TCAF1: variants seen among roughly 807,000 people sequenced by gnomAD.
The protein encoded by TCAF1 is TRPM8 channel associated factor 1.
In TCAF1, 4 loss-of-function variants were observed where a neutral mutation model predicts 27.3. The ratio of observed to expected loss-of-function variants is 0.15; its 90% CI spans 0.07 to 0.34. TCAF1 has a LOEUF of 0.34. TCAF1 is among the 10% of genes least tolerant of loss of function. The pLI, the probability that TCAF1 is intolerant of heterozygous loss-of-function variation, is 1.00. For synonymous variants in TCAF1, 105 were observed against 167.1 expected, an observed-to-expected ratio of 0.63 and a Z score of 2.87; for missense variants, 257 against 425.8, an observed-to-expected ratio of 0.60 and a Z score of 3.49.
intron 1 of TCAF1, among the ~76,000 whole-genome samples, chr7:143,879,351 G>C (rs955049974): frequency 1.3e-5 from 2 of 152,186 alleles, no homozygotes; most frequent in African/African-American, 4.8e-5. Context: ...GGAGAAAGTG[G>C]AGGAGGAGAA....
Position 143,882,910 on chromosome 7 carries a change from C to G in TCAF1, c.-14-6288G>C, listed in dbSNP as rs1813154479. The stretch of plus-strand genomic sequence containing the variant: ...GGAGGGGTTTCCACGGGAGTCCCCT[C>G]CTCCCCACTTCCTCCCAGGCTGGAG... On this transcript the variant is annotated intron_variant, in intron 1 of 8. Coordinates refer to ENST00000479870, the MANE Select transcript of TCAF1 (RefSeq NM_014719.3). 16 of 975,646 alleles carry G rather than the reference C, an allele frequency of 1.6e-5. No homozygotes were observed. The South Asian group carries it at 5.7e-4, about 35-fold the overall frequency. 60.4% of individuals were successfully genotyped at this position (975,646 alleles called of 1,614,324 possible).
At chr7:143,899,080 T>C (rs1394976675) in intron 1 of TCAF1, among the ~76,000 whole-genome samples, 1 of 152,226 alleles carries the variant, frequency 6.6e-6, no homozygotes, top group Non-Finnish European at 1.5e-5. Flanking sequence ...CCTTATACAT[T>C]ACTCAGTCTC....
chr7:143,859,981 T>C (rs1189771716), intron 6 of TCAF1, among the ~76,000 whole-genome samples: 1 of 43,504 alleles, frequency 2.3e-5, no homozygotes, highest in Non-Finnish European at 4.0e-5. Context: ...ATAATATATA[T>C]TATATAATAT....
chr7:143,896,372 T>G (rs933100020), intron 1 of TCAF1, among the ~76,000 whole-genome samples: 3 of 151,988 alleles, frequency 2.0e-5, no homozygotes, highest in African/African-American at 7.2e-5. Flanking sequence ...TATGAGAAAT[T>G]ATCAAATCCA....
chr7:143,896,630 C>T (rs1813880666), intron 1 of TCAF1, among the ~76,000 whole-genome samples: 1 of 151,930 alleles, frequency 6.6e-6, no homozygotes, highest in Admixed American at 6.6e-5. Context: ...TAGGCAACTA[C>T]AACTACAAGA....
chr7:143,893,871 A>G (rs527571315), intron 1 of TCAF1, among the ~76,000 whole-genome samples: 1 of 151,986 alleles, frequency 6.6e-6, no homozygotes, highest in South Asian at 2.1e-4. Context: ...TAGAAAAAGA[A>G]TAACAAATTT....
Position 143,876,030 on chromosome 7 carries a change from A to C in TCAF1, c.579T>G (p.Phe193Leu), listed in dbSNP as rs191551474. ...FTDNKGDTSF[F>L]KVSKKMPKIP... ...TCTTGGGCATCTTCTTGGAGACTTT[A>C]AAGAAACTCGTGTCCCCTTTGTTGT... Residue 193 changes from phenylalanine (F) to leucine (L), a missense_variant, in exon 2 of 9, where the codon TTT (phenylalanine) becomes TTG (leucine). Phe to Leu is a conservative substitution (Grantham distance 22, BLOSUM62 0). This residue lies in a region of TCAF1 where 255 missense variants were observed against 260.1 expected (regional missense o/e 0.98). Transcript: ENST00000479870. 6.3e-7 allele frequency: 1 copy of C among 1,581,568 alleles called. No homozygotes were observed. The highest frequency in any genetic ancestry group is 1.2e-5 in the South Asian group (1 of 85,296).
intron 1 of TCAF1, among the ~76,000 whole-genome samples, chr7:143,894,920 C>T (rs1281617743): frequency 6.6e-6 from 1 of 151,516 alleles, no homozygotes; most frequent in African/African-American, 2.4e-5. Context: ...AGACAAAATA[C>T]ATGTGCAGGT....
chr7:143,901,100 C>G (rs577330121), intron 1 of TCAF1, among the ~76,000 whole-genome samples: 3 of 152,196 alleles, frequency 2.0e-5, no homozygotes, highest in Non-Finnish European at 4.4e-5. Context: ...CGCCCTATTT[C>G]TTGACCCAAG....
intron 1 of TCAF1, chr7:143,882,466 ATG>A (rs1813109796): frequency 3.0e-6 from 3 of 985,360 alleles, no homozygotes; most frequent in Non-Finnish European, 3.6e-6. Context: ...CAAACATCAG[ATG>A]TCAGAACCTG....
chr7:143,888,186 T>C (rs1459106241), intron 1 of TCAF1, among the ~76,000 whole-genome samples: 1 of 152,160 alleles, frequency 6.6e-6, no homozygotes, highest in African/African-American at 2.4e-5. Context: ...AAACAACATA[T>C]ATACACAAAA....
At chr7:143,892,179 T>C (rs2116854170) in intron 1 of TCAF1, among the ~76,000 whole-genome samples, 1 of 152,180 alleles carries the variant, frequency 6.6e-6, no homozygotes, top group East Asian at 1.9e-4. Context: ...AGTAAATACA[T>C]AGGCAAATAT....
intron 1 of TCAF1, among the ~76,000 whole-genome samples, chr7:143,901,474 A>T (rs1195001675): frequency 1.3e-5 from 2 of 152,126 alleles, no homozygotes; most frequent in African/African-American, 4.8e-5. Flanking sequence ...TGCATTCCAG[A>T]CTAACATTCA....
intron 1 of TCAF1, among the ~76,000 whole-genome samples, chr7:143,887,266 A>T (rs182735036): frequency 3.7e-4 from 56 of 152,308 alleles, no homozygotes; most frequent in African/African-American, 1.3e-3. Context: ...AATCCATATC[A>T]AAAATATTAC....
At chr7:143,877,728 C>A (rs1812793116) in intron 1 of TCAF1, among the ~76,000 whole-genome samples, 1 of 152,206 alleles carries the variant, frequency 6.6e-6, no homozygotes, top group African/African-American at 2.4e-5. Context: ...GTTGTCTCAT[C>A]CTCAGTGACC....
chr7:143,877,014 T>C (rs1812756363), intron 1 of TCAF1, among the ~76,000 whole-genome samples: 1 of 152,186 alleles, frequency 6.6e-6, no homozygotes, highest in Non-Finnish European at 1.5e-5. Flanking sequence ...CATAGTCCAA[T>C]GACTGATGTC....
rs1563211760 is a variant in TCAF1, at chr7:143,859,973, A to ATT, written c.2167+234_2167+235insAA. On this transcript the variant is annotated intron_variant, in intron 6 of 8. Transcript: ENST00000479870. ...ATATATTACGGAATATATATTATAT[A>ATT]ATATATATTATATAATATATATTAT... Among the ~76,000 whole-genome samples, 11 of 14,654 alleles carry ATT rather than the reference A, an allele frequency of 7.5e-4. 1 individual carries two copies. The highest frequency in any genetic ancestry group is 1.0e-3 in the African/African-American group (7 of 6,994). 9.6% of individuals were successfully genotyped at this position (14,654 alleles called of 152,430 possible). A position where few individuals can be genotyped will look rare whatever the true frequency, so the allele number is the denominator to read the frequency against.
intron 1 of TCAF1, among the ~76,000 whole-genome samples, chr7:143,884,275 C>T (rs1355356915): frequency 6.6e-6 from 1 of 152,132 alleles, no homozygotes; most frequent in African/African-American, 2.4e-5. Context: ...CCCCATCTCC[C>T]TTCAACTCCC....
chr7:143,901,559 C>T (rs1282440908), intron 1 of TCAF1, among the ~76,000 whole-genome samples: 1 of 152,148 alleles, frequency 6.6e-6, no homozygotes, highest in Non-Finnish European at 1.5e-5. Context: ...ACACTGCGCC[C>T]GTGGGCGCCT....
Sources: gnomAD v4.1 joint callset for allele counts (sites outside exome capture counted in the v4.1 genomes callset) on GRCh38, gnomAD v4.1.1 for gene constraint, gnomAD v4.1.1 regional missense constraint, MANE v1.5 for transcripts, NCBI Gene and HGNC (gene_info 2026-07-23, HGNC 2026-07-21) for gene names.